The following UNC13C variants were observed in gnomAD, a reference collection of about 807,000 sequenced individuals.
UNC13C encodes the protein unc-13 homolog C.
In UNC13C, 174 loss-of-function variants were observed where a neutral mutation model predicts 245.4. The observed-to-expected ratio is 0.71, with a 90% CI of 0.63 to 0.80. UNC13C has a LOEUF of 0.80. UNC13C is among the 30% of genes least tolerant of loss of function. The pLI, the probability that UNC13C is intolerant of heterozygous loss-of-function variation, is 0.00. For missense variants in UNC13C, 2,829 were observed against 2,602.9 expected (o/e 1.09, Z -1.89); for synonymous variants, 992 against 895.1 (o/e 1.11, Z -1.93).
At chr15:54,159,021 G>T (rs927916898) in intron 4 of UNC13C, among the ~76,000 whole-genome samples, 1 of 152,100 alleles carries the variant, frequency 6.6e-6, no homozygotes, top group African/African-American at 2.4e-5. Flanking sequence ...TGGGACATGG[G>T]CAGGATTTTA....
At chr15:54,080,385 C>T (rs1415787884) in intron 2 of UNC13C, among the ~76,000 whole-genome samples, 3 of 151,728 alleles carry the variant, frequency 2.0e-5, no homozygotes, top group African/African-American at 2.4e-5. Flanking sequence ...GAAACATTTC[C>T]GAAAGATTGG....
intron 4 of UNC13C, among the ~76,000 whole-genome samples, chr15:54,209,398 A>G (rs751448638): frequency 1.8e-4 from 27 of 150,382 alleles, no homozygotes; most frequent in Non-Finnish European, 2.8e-4. Flanking sequence ...TTTACATTTT[A>G]GTGTTTTCTT....
At chr15:54,210,501 A>G (rs377518669) in intron 4 of UNC13C, among the ~76,000 whole-genome samples, 6 of 152,128 alleles carry the variant, frequency 3.9e-5, no homozygotes, top group South Asian at 2.1e-4. Flanking sequence ...TTTTTGAACC[A>G]TTGGATATAG....
chr15:53,960,801 C>T, the UNC13C span, among the ~76,000 whole-genome samples: 1 of 152,214 alleles, frequency 6.6e-6, no homozygotes, highest in Non-Finnish European at 1.5e-5. Context: ...ATCTTCTCTG[C>T]AGCCAACTTG....
chr15:54,124,556 C>A (rs190173052), intron 2 of UNC13C, among the ~76,000 whole-genome samples: 7 of 152,012 alleles, frequency 4.6e-5, no homozygotes, highest in Admixed American at 3.3e-4. Flanking sequence ...TTGTGATTTA[C>A]AATTTTTTTC....
chr15:54,546,685 A>G (rs1596546293), intron 26 of UNC13C, 37 bp from the exon 27 acceptor site: 1 of 1,313,356 alleles, frequency 7.6e-7, no homozygotes, highest in East Asian at 2.8e-5. Context: ...TTGATCTGAA[A>G]TTTAAAAGTG....
the UNC13C span, among the ~76,000 whole-genome samples, chr15:53,841,732 A>G: frequency 6.6e-6 from 1 of 152,156 alleles, no homozygotes; most frequent in Non-Finnish European, 1.5e-5. Context: ...GAAAATGAGG[A>G]CTGGAAGATC....
At chr15:53,908,721 C>G in the UNC13C span, among the ~76,000 whole-genome samples, 1 of 111,272 alleles carries the variant, frequency 9.0e-6, no homozygotes, top group African/African-American at 3.7e-5. Context: ...CACTGCACTC[C>G]AGTCTGGGTG....
chr15:54,291,131 A>C (rs78945810), intron 10 of UNC13C, among the ~76,000 whole-genome samples: 2,985 of 152,054 alleles, frequency 0.02, 44 homozygotes, highest in Non-Finnish European at 0.025. Flanking sequence ...TTTTAATATA[A>C]ATTTTGGGTA....
chr15:54,293,768 AT>A, intron 10 of UNC13C, 126 bp from the exon 11 acceptor site: 1 of 665,800 alleles, frequency 1.5e-6, no homozygotes, highest in Non-Finnish European at 2.2e-6. Context: ...GATAGATGAA[AT>A]GGGTTATCTC....
At chr15:54,614,462 G>A (rs1182582317) in intron 30 of UNC13C, among the ~76,000 whole-genome samples, 1 of 151,972 alleles carries the variant, frequency 6.6e-6, no homozygotes, top group Admixed American at 6.6e-5. Context: ...TATATTACAA[G>A]AAAGAATACT....
At chr15:54,250,764 T>TCTTTCTTTCTTTC (rs2036129626) in intron 8 of UNC13C, among the ~76,000 whole-genome samples, 5 of 133,894 alleles carry the variant, frequency 3.7e-5, no homozygotes, top group African/African-American at 1.4e-4. Flanking sequence ...TTTTTTTTTT[T>TCTTTCTTTCTTTC]TTTTTTTTTT....
intron 2 of UNC13C, among the ~76,000 whole-genome samples, chr15:54,058,419 T>C (rs879721059): frequency 2.6e-5 from 4 of 152,124 alleles, no homozygotes; most frequent in Admixed American, 6.6e-5. Context: ...CAGGAAGAAA[T>C]TGAATTTCTG....
chr15:54,188,545 T>C (rs1385768417), intron 4 of UNC13C, among the ~76,000 whole-genome samples: 2 of 152,204 alleles, frequency 1.3e-5, no homozygotes, highest in African/African-American at 4.8e-5. Context: ...TTTCAAATAT[T>C]ACCTTATTTT....
At chr15:54,298,760 A>G (rs1428841423) in intron 12 of UNC13C, among the ~76,000 whole-genome samples, 2 of 152,114 alleles carry the variant, frequency 1.3e-5, no homozygotes, top group Non-Finnish European at 2.9e-5. Context: ...CTCTGATGCA[A>G]ATGATACTTG....
At position 54,500,877 on chromosome 15, in the gene UNC13C, G is replaced by A; in HGVS notation, c.5200G>A (p.Val1734Ile). The A allele has an allele frequency of 6.2e-7, 1 of 1,613,006 alleles. No homozygotes were observed. Among genetic ancestry groups the A allele is most frequent in the East Asian group, 2.2e-5 (1 of 44,854 alleles). Residue 1734 changes from valine (V) to isoleucine (I), a missense_variant, in exon 22 of 33, where the codon GTT becomes ATT. Transcript: ENST00000260323. ...SEHALFSCSV[V>I]DVFAQLNQSF... ...GCATGCTCTCTTTTCTTGCTCCGTG[G>A]TTGATGTCTTTGCTCAGCTGAATCA...
intron 2 of UNC13C, among the ~76,000 whole-genome samples, chr15:54,031,886 G>A (rs1896372326): frequency 6.6e-6 from 1 of 152,110 alleles, no homozygotes; most frequent in Non-Finnish European, 1.5e-5. Context: ...ATAAATTATG[G>A]CATATCATTC....
intron 25 of UNC13C, among the ~76,000 whole-genome samples, chr15:54,530,100 G>T (rs1895667312): frequency 6.6e-6 from 1 of 152,124 alleles, no homozygotes; most frequent in Admixed American, 6.6e-5. Flanking sequence ...AGAGGTAGGT[G>T]GAAGGAGATG....
intron 26 of UNC13C, among the ~76,000 whole-genome samples, chr15:54,536,032 A>G (rs1895968734): frequency 6.6e-6 from 1 of 152,082 alleles, no homozygotes; most frequent in African/African-American, 2.4e-5. Flanking sequence ...ACAAAAGATC[A>G]GTGAAACAGA....
Sources: gnomAD v4.1 joint callset for allele counts (sites outside exome capture counted in the v4.1 genomes callset) on GRCh38, gnomAD v4.1.1 for gene constraint, MANE v1.5 for transcripts, NCBI Gene and HGNC (gene_info 2026-07-23, HGNC 2026-07-21) for gene names.